Variants in EXO1 observed in about 807,000 individuals in gnomAD.
EXO1 encodes exonuclease 1.
In EXO1, 69 loss-of-function variants were observed where a neutral mutation model predicts 84.5. That is an observed-to-expected ratio of 0.82 (90% confidence interval 0.67 to 1.00). The LOEUF (loss-of-function observed/expected upper bound fraction) is 1.00. EXO1 is among the 50% of genes least tolerant of loss of function. The pLI is 0.00. For synonymous variants in EXO1, 373 were observed against 366.1 expected, an observed-to-expected ratio of 1.02 and a Z score of -0.21; for missense variants, 1,045 against 1,000.7, an observed-to-expected ratio of 1.04 and a Z score of -0.60.
At chr1:241,865,112 A>G (rs1173935579) in intron 10 of EXO1, among the ~76,000 whole-genome samples, 1 of 150,824 alleles carries the variant, frequency 6.6e-6, no homozygotes, top group Non-Finnish European at 1.5e-5. Flanking sequence ...TGAAGCAGTC[A>G]TTCTGCCTTG....
At chr1:241,880,620 G>C (rs944831522) in intron 13 of EXO1, among the ~76,000 whole-genome samples, 8 of 152,178 alleles carry the variant, frequency 5.3e-5, no homozygotes, top group Non-Finnish European at 1.0e-4. Context: ...GCCAGATGTA[G>C]TAAACTCCTA....
chr1:241,864,089 TG>T (rs1453951559), intron 10 of EXO1, among the ~76,000 whole-genome samples: 25 of 152,190 alleles, frequency 1.6e-4, no homozygotes, highest in Non-Finnish European at 7.3e-5. Flanking sequence ...TTCTCCCTCA[TG>T]GTGGTAACTT....
Position 241,848,640 on chromosome 1 carries a change from A to G in EXO1, c.-419-91A>G, listed in dbSNP as rs1660484234. The G allele has an allele frequency of 1.3e-5, 2 of 152,198 alleles. No homozygotes were observed. Among genetic ancestry groups the G allele is most frequent in the Non-Finnish European group, 2.9e-5 (2 of 68,066 alleles). The allele number at this position is 152,198 out of a possible 1,614,324, so 9.4% of individuals were successfully genotyped here. A position where few individuals can be genotyped will look rare whatever the true frequency, so the allele number is the denominator to read the frequency against. ...GCGCCAGGGTTGCCAGACTTACCTC[A>G]TTTTTCCGCAGAAGCTGGCAGTCCA... On this transcript the variant is annotated intron_variant, in intron 1 of 15. Coordinates refer to ENST00000366548, the MANE Select transcript of EXO1 (RefSeq NM_130398.4). The surrounding 1 kb of genome is among the most constrained non-coding windows in gnomAD (Gnocchi z 4.2).
At chr1:241,868,333 G>A (rs937754491) in intron 11 of EXO1, among the ~76,000 whole-genome samples, 10 of 145,572 alleles carry the variant, frequency 6.9e-5, no homozygotes, top group East Asian at 2.0e-4. Context: ...CGGAGATCAC[G>A]CAGTGCACTC....
chr1:241,885,439 T>G lies in EXO1; in HGVS notation c.2337T>G (p.His779Gln). 1 of 1,613,884 alleles carries G rather than the reference T, an allele frequency of 6.2e-7. No homozygotes were observed. Among genetic ancestry groups the G allele is most frequent in the Non-Finnish European group, 8.5e-7 (1 of 1,179,892 alleles). ...CAAGCATCCAGAAGAGAAAGCATCA[T>G]AATGCCGAGAACAAGCCGGGGTTAC... Reference protein sequence around the residue: ...KPASIQKRKHHNAENKPGLQI... With the variant: ...KPASIQKRKHQNAENKPGLQI... The change falls in exon 15 of 16, where the codon CAT becomes CAG. Residue 779 changes from histidine (H) to glutamine (Q), a missense_variant. Physicochemically the swap from His to Gln is conservative, Grantham distance 24 (BLOSUM62 0). Transcript: ENST00000366548.
chr1:241,854,357 G>A (rs1660841728), intron 6 of EXO1, among the ~76,000 whole-genome samples: 1 of 152,118 alleles, frequency 6.6e-6, no homozygotes, highest in South Asian at 2.1e-4. Context: ...CGCTGGGCTC[G>A]AACTCCCAAT....
chr1:241,853,260 T>C (rs1660766530), intron 5 of EXO1, 98 bp from the exon 6 acceptor site: 2 of 1,402,740 alleles, frequency 1.4e-6, no homozygotes, highest in African/African-American at 1.4e-5. Context: ...AAAAACTTTT[T>C]TCAGTTCTAG....
intron 6 of EXO1, among the ~76,000 whole-genome samples, chr1:241,854,409 T>C (rs1402540332): frequency 6.6e-6 from 1 of 152,170 alleles, no homozygotes; most frequent in Non-Finnish European, 1.5e-5. Flanking sequence ...AGTGCTCGGA[T>C]TACAGGTGTG....
In EXO1 at chr1:241,879,062, A is replaced by G. The variant is rs12122770; in HGVS notation, c.1828A>G (p.Ser610Gly). ...PTLGTLRSCF[S>G]WSGGLGDFSR... The stretch of plus-strand genomic sequence containing the variant: ...TTTGGGAACACTAAGAAGTTGTTTT[A>G]GTTGGTCTGGAGGTCTTGGAGATTT... Residue 610 changes from serine to glycine, a missense_variant, in exon 13 of 16, where the codon AGT becomes GGT. Physicochemically the swap from Ser to Gly is moderately conservative, Grantham distance 56. Coordinates refer to ENST00000366548, the MANE Select transcript of EXO1 (RefSeq NM_130398.4). 6,644 of 1,614,220 alleles carry G rather than the reference A, an allele frequency of 4.1e-3. 29 individuals carry two copies. Among genetic ancestry groups the G allele is most frequent in the Non-Finnish European group, 5.1e-3 (6,071 of 1,180,026 alleles).
intron 10 of EXO1, among the ~76,000 whole-genome samples, chr1:241,865,214 TC>T (rs1469683564): frequency 1.4e-5 from 2 of 147,054 alleles, no homozygotes; most frequent in Admixed American, 1.4e-4. Flanking sequence ...CTTGAATATC[TC>T]TTTTTTTTTT....
intron 12 of EXO1, among the ~76,000 whole-genome samples, chr1:241,873,404 T>G (rs1468470701): frequency 1.3e-5 from 2 of 152,218 alleles, no homozygotes; most frequent in Admixed American, 6.5e-5. Flanking sequence ...TCGTAATCTC[T>G]CCGTACAGAA....
intron 12 of EXO1, among the ~76,000 whole-genome samples, chr1:241,873,531 C>T (rs528041479): frequency 2.6e-5 from 4 of 152,072 alleles, no homozygotes; most frequent in African/African-American, 9.6e-5. Flanking sequence ...TTGAGGGCTT[C>T]ATACAATTTT....
intron 6 of EXO1, chr1:241,854,930 T>TA (rs1309652511): frequency 6.5e-6 from 1 of 154,184 alleles, no homozygotes; most frequent in African/African-American, 2.4e-5. Context: ...TTACAGCTCT[T>TA]AAGGCAGCGC....
intron 11 of EXO1, among the ~76,000 whole-genome samples, chr1:241,869,474 A>G (rs1661949782): frequency 6.6e-6 from 1 of 152,166 alleles, no homozygotes; most frequent in Non-Finnish European, 1.5e-5. Context: ...AGACATCTAC[A>G]TCGGTGAATG....
chr1:241,879,006 G>T lies in EXO1; in HGVS notation c.1772G>T (p.Ser591Ile). 1.2e-6 allele frequency: 2 copies of T among 1,614,180 alleles called. No individual in the cohort carries two copies. Among genetic ancestry groups the T allele is most frequent in the Non-Finnish European group, 1.7e-6 (2 of 1,180,012 alleles). Residue 591 changes from serine (S) to isoleucine (I), a missense_variant, in exon 13 of 16, where the codon AGC becomes ATC. By Grantham distance (142) the Ser-to-Ile change is moderately radical. Transcript: ENST00000366548. The stretch of plus-strand genomic sequence containing the variant: ...GAAGAGTCCTACTCTTTTGAGAGCA[G>T]CAAATTTACAAGGACCATTTCACCA... ...TDEESYSFES[S>I]KFTRTISPPT...
chr1:241,879,032 C>T lies in EXO1; in HGVS notation c.1798C>T (p.Pro600Ser), dbSNP rs963368654. The T allele has an allele frequency of 6.2e-7, 1 of 1,614,212 alleles. No homozygotes were observed. Among genetic ancestry groups the T allele is most frequent in the African/African-American group, 1.3e-5 (1 of 75,056 alleles). The change falls in exon 13 of 16, where the codon CCC becomes TCC. Residue 600 changes from proline (P) to serine (S), a missense_variant. Transcript: ENST00000366548. ...CAAATTTACAAGGACCATTTCACCA[C>T]CCACTTTGGGAACACTAAGAAGTTG... ...SSKFTRTISP[P>S]TLGTLRSCFS... is the part of the protein sequence containing the mutation.
chr1:241,864,335 A>T (rs1158397574), intron 10 of EXO1, among the ~76,000 whole-genome samples: 4 of 152,192 alleles, frequency 2.6e-5, no homozygotes, highest in Non-Finnish European at 5.9e-5. Context: ...CAGGATAGGG[A>T]AAGTGAGTTG....
chr1:241,863,308 A>G (rs1661503355), intron 10 of EXO1, among the ~76,000 whole-genome samples: 1 of 151,984 alleles, frequency 6.6e-6, no homozygotes, highest in Non-Finnish European at 1.5e-5. Context: ...GGGAGCTGTG[A>G]TTCCAAGCCA....
rs150105848 is a variant in EXO1, at chr1:241,860,557, C to G, written c.797C>G (p.Thr266Arg). The G allele has an allele frequency of 2.5e-6, 4 of 1,613,828 alleles. No homozygotes were observed. The highest frequency in any genetic ancestry group is 2.2e-5 in the South Asian group (2 of 91,066). ...KIGHYLKMNITVPEDYINGFI... is the reference protein window; with the variant it reads ...KIGHYLKMNIRVPEDYINGFI... ...GGACATTATCTCAAGATGAATATCA[C>G]GGTACCAGAGGATTACATCAACGGG... Residue 266 changes from threonine (T) to arginine (R), a missense_variant, in exon 9 of 16, where the codon ACG becomes AGG. Coordinates refer to ENST00000366548, the MANE Select transcript of EXO1 (RefSeq NM_130398.4).
Sources: allele counts gnomAD v4.1 joint callset (sites outside exome capture counted in the v4.1 genomes callset), GRCh38; gene constraint gnomAD v4.1.1; non-coding constraint Gnocchi (gnomAD v3.1); transcripts MANE v1.5; gene names NCBI Gene and HGNC (gene_info 2026-07-23, HGNC 2026-07-21).